Variants in CACNA1C observed in about 807,000 individuals in gnomAD.
CACNA1C encodes the protein voltage-dependent L-type calcium channel subunit alpha-1C.
Under a neutral mutation model 229.0 loss-of-function variants are expected in CACNA1C, and 30 were observed. That is an observed-to-expected ratio of 0.13 (90% CI 0.10 to 0.18). CACNA1C has a LOEUF of 0.18. CACNA1C is among the 10% of genes least tolerant of loss of function. The pLI is 1.00. For synonymous variants in CACNA1C, 1,114 were observed against 1,132.5 expected (o/e 0.98, Z 0.33); for missense variants, 1,658 against 2,845.0 (o/e 0.58, Z 9.49).
chr12:2,187,285 A>C (rs576364538), intron 3 of CACNA1C, among the ~76,000 whole-genome samples: 1 of 152,290 alleles, frequency 6.6e-6, no homozygotes, highest in African/African-American at 2.4e-5. Context: ...GACCCAGTCG[A>C]GGCTCGGAGT....
At chr12:2,581,349 C>T (rs1391994203) in intron 13 of CACNA1C, among the ~76,000 whole-genome samples, 1 of 152,156 alleles carries the variant, frequency 6.6e-6, no homozygotes, top group Admixed American at 6.5e-5. Flanking sequence ...AGAGCTAGGT[C>T]GCGGGCTTCT....
rs978465161 is a variant in CACNA1C at position 2,287,834 on chromosome 12, G to C, written c.478-161142G>C. ...GCTCCCAGGTGACTCGCTGCTGCTG[G>C]CCTGGGACCACACTTTGGAAATCAC... On this transcript the variant is annotated intron_variant, in intron 3 of 46. Transcript: ENST00000399655. The surrounding 1 kb of genome is among the most constrained non-coding windows in gnomAD (Gnocchi z 4.6). Among the ~76,000 whole-genome samples, 1 of 152,150 alleles carries C rather than the reference G, an allele frequency of 6.6e-6. No homozygotes were observed. Among genetic ancestry groups the C allele is most frequent in the African/African-American group, 2.4e-5 (1 of 41,430 alleles).
chr12:2,186,959 C>T (rs943467401), intron 3 of CACNA1C, among the ~76,000 whole-genome samples: 4 of 151,576 alleles, frequency 2.6e-5, no homozygotes, highest in Non-Finnish European at 5.9e-5. Flanking sequence ...GTGAGGTCCC[C>T]TTTCCCCACA....
intron 9 of CACNA1C, among the ~76,000 whole-genome samples, chr12:2,542,624 AGC>A (rs1198780021): frequency 1.3e-5 from 2 of 152,216 alleles, no homozygotes; most frequent in Non-Finnish European, 2.9e-5. Context: ...GCTTAGCTCT[AGC>A]ACTCCTCCCC....
At chr12:2,335,966 A>G (rs932398127) in intron 3 of CACNA1C, among the ~76,000 whole-genome samples, 3 of 151,914 alleles carry the variant, frequency 2.0e-5, no homozygotes, top group Non-Finnish European at 2.9e-5. Flanking sequence ...GGAAAAAGCT[A>G]TAAAATTTTA....
At chr12:2,255,471 G>A (rs1307831560) in intron 3 of CACNA1C, among the ~76,000 whole-genome samples, 2 of 152,192 alleles carry the variant, frequency 1.3e-5, no homozygotes, top group Non-Finnish European at 2.9e-5. Context: ...GAACTGCCAG[G>A]AGGTGGTGGC....
Position 2,514,059 on chromosome 12 carries a change from C to G in CACNA1C, c.1390+1075C>G, listed in dbSNP as rs1568151713. Among the ~76,000 whole-genome samples, 4 of 152,274 alleles carry G rather than the reference C, an allele frequency of 2.6e-5. No individual in the cohort carries two copies. In the South Asian group the frequency reaches 8.3e-4, roughly 32 times the overall value. Reference sequence around the variant, plus strand: ...AGCAGCCTTACTTAAAAACAGTTTCCTAAACACTGAGCATCTAGAGTACTC... The same window carrying G: ...AGCAGCCTTACTTAAAAACAGTTTCGTAAACACTGAGCATCTAGAGTACTC... On this transcript the variant is annotated intron_variant, in intron 9 of 46. Transcript: ENST00000399655.
chr12:2,321,281 G>A (rs1040433741), intron 3 of CACNA1C, among the ~76,000 whole-genome samples: 1 of 152,064 alleles, frequency 6.6e-6, no homozygotes, highest in African/African-American at 2.4e-5. Context: ...GTTCCTGGGT[G>A]GGATGGATTT....
Position 2,688,336 on chromosome 12 carries a change from G to A in CACNA1C, c.5785-111G>A, listed in dbSNP as rs1001373380. The stretch of plus-strand genomic sequence containing the variant: ...ATAATGGCATGGGAATACCAGGCAG[G>A]TGGAGCTAGCTGGACACAGCAGCTG... On this transcript the variant is annotated intron_variant, in intron 45 of 46. Coordinates refer to ENST00000399655, the MANE Select transcript of CACNA1C (RefSeq NM_000719.7). The A allele has an allele frequency of 1.4e-5, 13 of 951,508 alleles. No homozygotes were observed. In the South Asian group the frequency reaches 1.8e-4, roughly 13 times the overall value. 58.9% of individuals were successfully genotyped at this position (951,508 alleles called of 1,614,324 possible). A position where few individuals can be genotyped will look rare whatever the true frequency, so the allele number is the denominator to read the frequency against.
chr12:2,323,163 G>A (rs1187235600), intron 3 of CACNA1C, among the ~76,000 whole-genome samples: 1 of 152,100 alleles, frequency 6.6e-6, no homozygotes, highest in Non-Finnish European at 1.5e-5. Flanking sequence ...AGCCAGACAC[G>A]GCTGTAGCTC....
intron 21 of CACNA1C, among the ~76,000 whole-genome samples, chr12:2,599,144 A>G (rs2070460436): frequency 6.6e-6 from 1 of 152,202 alleles, no homozygotes; most frequent in African/African-American, 2.4e-5. Flanking sequence ...CGGGATTGCC[A>G]TACAAGCTGA....
rs1334724639 is a variant in CACNA1C, at chr12:2,664,818, C to T, written c.4233-7C>T. ...GCTGCATGAACGTGGCTCTCCCTCC[C>T]CTCCAGGTGTGCCACCGGGGAGGCC... On this transcript the variant is annotated splice_polypyrimidine_tract_variant and splice_region_variant and intron_variant, in intron 34 of 46. Transcript: ENST00000399655. 3 of 1,571,372 alleles carry T rather than the reference C, an allele frequency of 1.9e-6. No individual in the cohort carries two copies. The highest frequency in any genetic ancestry group is 1.7e-6 in the Non-Finnish European group (2 of 1,155,086).
chr12:2,597,305 C>A lies in CACNA1C; in HGVS notation c.2853+16C>A. ...TGCTCTGAAGGTAAAGCCCCCATCCCCTTCTGCTCCTCCTGTCCCCCTTGT... is the reference window on the plus strand; with the variant it reads ...TGCTCTGAAGGTAAAGCCCCCATCCACTTCTGCTCCTCCTGTCCCCCTTGT... On this transcript the variant is annotated intron_variant, in intron 21 of 46. Transcript: ENST00000399655. This position sits in a 1 kb window ranked among gnomAD's most constrained non-coding sequence, Gnocchi z 4.3. 6.3e-7 allele frequency: 1 copy of A among 1,592,712 alleles called. No individual in the cohort carries two copies. Among genetic ancestry groups the A allele is most frequent in the South Asian group, 1.1e-5 (1 of 90,656 alleles).
At chr12:1,992,282 C>T (rs369370561) in intron 1 of CACNA1C, 30 of 158,602 alleles carry the variant, frequency 1.9e-4, no homozygotes, top group Middle Eastern at 6.5e-3. Flanking sequence ...GGATAACCAC[C>T]TATTATGACA....
At chr12:2,097,354 G>A (rs1181040032) in intron 1 of CACNA1C, among the ~76,000 whole-genome samples, 1 of 151,934 alleles carries the variant, frequency 6.6e-6, no homozygotes, top group Non-Finnish European at 1.5e-5. Context: ...CACCATGTTA[G>A]CCAGGATAGT....
chr12:2,289,015 A>T (rs1048352815), intron 3 of CACNA1C: 1 of 152,234 alleles, frequency 6.6e-6, no homozygotes, highest in Non-Finnish European at 1.5e-5. Flanking sequence ...TGCACTGTGG[A>T]CCAAGCTGGG....
intron 13 of CACNA1C, among the ~76,000 whole-genome samples, chr12:2,568,835 G>A (rs564606749): frequency 2.9e-4 from 44 of 152,040 alleles, no homozygotes; most frequent in Non-Finnish European, 4.4e-4. Flanking sequence ...TCACAACAGC[G>A]TGAATGTATT....
chr12:2,237,266 G>A lies in CACNA1C; in HGVS notation c.477+116836G>A, dbSNP rs527568692. ...GCAACCTGTTATCTCTTCTCTTTCTGCCTCTGCACACAGCAGCCTCCATTG... is the reference window on the plus strand; with the variant it reads ...GCAACCTGTTATCTCTTCTCTTTCTACCTCTGCACACAGCAGCCTCCATTG... On this transcript the variant is annotated intron_variant, in intron 3 of 46. Transcript: ENST00000399655. 1.7e-4 allele frequency among the ~76,000 whole-genome samples: 26 copies of A among 152,300 alleles called. No homozygotes were observed. In the South Asian group the frequency reaches 2.1e-3, roughly 12 times the overall value.
Position 2,319,605 on chromosome 12 carries a change from G to A in CACNA1C, c.478-129371G>A, listed in dbSNP as rs993134047. On this transcript the variant is annotated intron_variant, in intron 3 of 46. Transcript: ENST00000399655. This position sits in a 1 kb window ranked among gnomAD's most constrained non-coding sequence, Gnocchi z 4.0. ...TAAGGGTGTAGCTCTGCTCATTTCTGGAGGTCTCCACACACCCTCCGGGCA... is the reference window on the plus strand; with the variant it reads ...TAAGGGTGTAGCTCTGCTCATTTCTAGAGGTCTCCACACACCCTCCGGGCA... Among the ~76,000 whole-genome samples, 5 of 152,114 alleles carry A rather than the reference G, an allele frequency of 3.3e-5. No individual in the cohort carries two copies. The highest frequency in any genetic ancestry group is 5.9e-5 in the Non-Finnish European group (4 of 68,020).
Sources: allele counts gnomAD v4.1 joint callset (sites outside exome capture counted in the v4.1 genomes callset), GRCh38; gene constraint gnomAD v4.1.1; non-coding constraint Gnocchi (gnomAD v3.1); transcripts MANE v1.5; gene names NCBI Gene and HGNC (gene_info 2026-07-23, HGNC 2026-07-21).